Variants in KLHL29 observed in about 807,000 individuals in gnomAD.
The protein encoded by KLHL29 is kelch-like protein 29.
In KLHL29, 21 loss-of-function variants were observed where a neutral mutation model predicts 80.4. The ratio of observed to expected loss-of-function variants is 0.26; its 90% CI spans 0.19 to 0.38. The LOEUF (loss-of-function observed/expected upper bound fraction) is 0.38, where lower values mean the gene tolerates loss of function less well. KLHL29 is among the 10% of genes least tolerant of loss of function. The pLI is 1.00. For missense variants in KLHL29, 867 were observed against 1,223.9 expected (o/e 0.71, Z 4.35); for synonymous variants, 511 against 526.8 (o/e 0.97, Z 0.41).
At chr2:23,589,907 A>G (rs1668213889) in intron 3 of KLHL29, among the ~76,000 whole-genome samples, 1 of 152,232 alleles carries the variant, frequency 6.6e-6, no homozygotes, top group Admixed American at 6.5e-5. Flanking sequence ...CTGTGCACTG[A>G]ACAACTGTCA....
intron 3 of KLHL29, among the ~76,000 whole-genome samples, chr2:23,594,347 C>G (rs1306120595): frequency 6.6e-6 from 1 of 152,134 alleles, no homozygotes; most frequent in Non-Finnish European, 1.5e-5. Flanking sequence ...AGACTTCCTG[C>G]CCGGCTCCTC....
intron 3 of KLHL29, among the ~76,000 whole-genome samples, chr2:23,603,742 G>A (rs1572431510): frequency 6.6e-6 from 1 of 152,222 alleles, no homozygotes; most frequent in Admixed American, 6.5e-5. Flanking sequence ...GCCCTGGGGA[G>A]CAGGCCAGGC....
At chr2:23,657,953 A>G (rs66523860) in intron 5 of KLHL29, among the ~76,000 whole-genome samples, 24,665 of 152,112 alleles carry the variant, frequency 0.16, 2,286 homozygotes, top group Middle Eastern at 0.22. Flanking sequence ...TCTGAGGCCA[A>G]TGGGCTTTGC....
chr2:23,425,205 A>C (rs1485208140), intron 1 of KLHL29, among the ~76,000 whole-genome samples: 1 of 152,244 alleles, frequency 6.6e-6, no homozygotes, highest in African/African-American at 2.4e-5. Context: ...TAAGCCATGC[A>C]AAAATGATAA....
intron 1 of KLHL29, among the ~76,000 whole-genome samples, chr2:23,458,540 C>T (rs139185949): frequency 8.5e-5 from 13 of 152,316 alleles, no homozygotes; most frequent in African/African-American, 2.6e-4. Context: ...GCAAGGAAGA[C>T]AAGAAATTAA....
intron 2 of KLHL29, among the ~76,000 whole-genome samples, chr2:23,524,569 G>C (rs1470910488): frequency 6.6e-6 from 1 of 152,216 alleles, no homozygotes; most frequent in East Asian, 1.9e-4. Context: ...GCCCAAGTGA[G>C]GAGGAACATG....
chr2:23,651,510 T>G (rs1670086487), intron 5 of KLHL29, among the ~76,000 whole-genome samples: 1 of 152,188 alleles, frequency 6.6e-6, no homozygotes, highest in Non-Finnish European at 1.5e-5. Context: ...GGCTACATCT[T>G]AGTCTGCTAG....
At chr2:23,497,127 C>A (rs1460140909) in intron 2 of KLHL29, among the ~76,000 whole-genome samples, 3 of 151,954 alleles carry the variant, frequency 2.0e-5, no homozygotes, top group Non-Finnish European at 4.4e-5. Context: ...CTTTACCAGG[C>A]AGTGCTGTTT....
At chr2:23,687,442 G>A (rs186089222) in intron 6 of KLHL29, among the ~76,000 whole-genome samples, 1 of 152,334 alleles carries the variant, frequency 6.6e-6, no homozygotes, top group African/African-American at 2.4e-5. Context: ...CAGTGCAGAC[G>A]CCCTGCCCCA....
chr2:23,570,939 G>A (rs1289400314), intron 3 of KLHL29, among the ~76,000 whole-genome samples: 2 of 152,202 alleles, frequency 1.3e-5, no homozygotes, highest in Non-Finnish European at 2.9e-5. Context: ...GATCAGGGCC[G>A]CCCAGTGTGA....
intron 3 of KLHL29, among the ~76,000 whole-genome samples, chr2:23,634,097 G>C (rs1269035732): frequency 1.3e-5 from 2 of 152,154 alleles, no homozygotes; most frequent in East Asian, 3.9e-4. Flanking sequence ...AGTTCCTCCA[G>C]GGCAGGACCT....
intron 1 of KLHL29, among the ~76,000 whole-genome samples, chr2:23,408,988 TGGG>T (rs1221719027): frequency 2.0e-5 from 3 of 152,134 alleles, no homozygotes; most frequent in Admixed American, 6.5e-5. Flanking sequence ...TCTGCCTTGT[TGGG>T]GGGTGTGTGA....
intron 1 of KLHL29, among the ~76,000 whole-genome samples, chr2:23,408,523 C>A (rs2103393398): frequency 6.6e-6 from 1 of 152,214 alleles, no homozygotes; most frequent in East Asian, 1.9e-4. Flanking sequence ...TTAGAAACTT[C>A]ATTCCTATAT....
chr2:23,584,654 C>T (rs896599942), intron 3 of KLHL29, among the ~76,000 whole-genome samples: 7 of 152,170 alleles, frequency 4.6e-5, no homozygotes, highest in Non-Finnish European at 7.4e-5. Context: ...CGGAGGGGGG[C>T]GGTGCCCATG....
chr2:23,696,406 C>T lies in KLHL29; in HGVS notation c.1998C>T (p.Val666=). The T allele has an allele frequency of 5.2e-6, 8 of 1,551,504 alleles. No homozygotes were observed. Among genetic ancestry groups the T allele is most frequent in the Non-Finnish European group, 5.2e-6 (6 of 1,146,878 alleles). ...CCCTGCTTGATAACTGGAACCTCGT[C>T]TCCAGAATGACAGTCCCCCGCTGTC... ...YMSLLDNWNL[V]SRMTVPRCRH... Residue 666 remains valine, a synonymous_variant, in exon 11 of 14, where the codon GTC becomes GTT. Transcript: ENST00000486442. The surrounding 1 kb of genome is among the most constrained non-coding windows in gnomAD (Gnocchi z 5.5).
intron 1 of KLHL29, among the ~76,000 whole-genome samples, chr2:23,465,830 C>T (rs541931938): frequency 1.5e-4 from 23 of 152,298 alleles, no homozygotes; most frequent in Admixed American, 1.4e-3. Context: ...CCCAGAAACT[C>T]TCCTCCTCTG....
chr2:23,645,781 T>C (rs3731619), intron 5 of KLHL29, among the ~76,000 whole-genome samples: 25,696 of 152,172 alleles, frequency 0.17, 2,308 homozygotes, highest in Middle Eastern at 0.22. Flanking sequence ...GTTGGGGCCC[T>C]ATTAGTCTGC....
At position 23,696,522 on chromosome 2, in the gene KLHL29, G is replaced by A; in HGVS notation, c.2105+9G>A. The A allele has an allele frequency of 6.6e-7, 1 of 1,512,908 alleles. No individual in the cohort carries two copies. The highest frequency in any genetic ancestry group is 8.9e-7 in the Non-Finnish European group (1 of 1,128,638). 93.7% of individuals were successfully genotyped at this position (1,512,908 alleles called of 1,614,324 possible). A position where few individuals can be genotyped will look rare whatever the true frequency, so the allele number is the denominator to read the frequency against. On this transcript the variant is annotated intron_variant, in intron 11 of 13. Transcript: ENST00000486442. This position sits in a 1 kb window ranked among gnomAD's most constrained non-coding sequence, Gnocchi z 5.5. ...GTGGACCACGTGGAGAGGTAATGAG[G>A]CCACGGTCAGGACAGGGGCATGCTC...
chr2:23,687,524 C>T (rs1472131381), intron 6 of KLHL29, among the ~76,000 whole-genome samples: 2 of 152,210 alleles, frequency 1.3e-5, no homozygotes, highest in Non-Finnish European at 2.9e-5. Context: ...GGAGCCCCTC[C>T]TGGGGCCGGG....
Sources: allele counts gnomAD v4.1 joint callset (sites outside exome capture counted in the v4.1 genomes callset), GRCh38; gene constraint gnomAD v4.1.1; non-coding constraint Gnocchi (gnomAD v3.1); transcripts MANE v1.5; gene names NCBI Gene and HGNC (gene_info 2026-07-23, HGNC 2026-07-21).